Variants in ZEB2 observed in about 807,000 individuals in gnomAD.
ZEB2 encodes zinc finger E-box-binding homeobox 2.
In ZEB2, 6 loss-of-function variants were observed where a neutral mutation model predicts 99.9. The observed-to-expected ratio is 0.06, with a 90% CI of 0.03 to 0.12. The LOEUF is 0.12. ZEB2 is among the 10% of genes least tolerant of loss of function. The pLI, the probability that ZEB2 is intolerant of heterozygous loss-of-function variation, is 1.00. For synonymous variants in ZEB2, 517 were observed against 542.5 expected, an observed-to-expected ratio of 0.95 and a Z score of 0.65; for missense variants, 969 against 1,502.8, an observed-to-expected ratio of 0.64 and a Z score of 5.87.
At chr2:144,510,943 C>T (rs1240008063) in intron 2 of ZEB2, among the ~76,000 whole-genome samples, 3 of 152,234 alleles carry the variant, frequency 2.0e-5, no homozygotes, top group Non-Finnish European at 2.9e-5. Context: ...TTCAAAAGAC[C>T]GCCGTGTCAG....
At chr2:144,512,762 A>G in intron 2 of ZEB2, 1 of 1,287,236 alleles carries the variant, frequency 7.8e-7, no homozygotes, top group Non-Finnish European at 1.0e-6. Context: ...AATAAAACAA[A>G]TAGATCAGCC....
In ZEB2 at chr2:144,403,934, G is replaced by C; in HGVS notation, c.789C>G (p.His263Gln). Residue 263 changes from histidine to glutamine, a missense_variant, in exon 6 of 10, where the codon CAC (histidine) becomes CAG (glutamine). Physicochemically the swap from His to Gln is conservative, Grantham distance 24. Transcript: ENST00000627532. ...CCCCCACCTGATCTGTCCCTGGCTT[G>C]TGTGTCACCATATGCCGCTCGAGCT... ...RTQLERHMVT[H>Q]KPGTDQHQML... is the part of the protein sequence containing the mutation. The C allele has an allele frequency of 6.2e-7, 1 of 1,614,198 alleles. No homozygotes were observed.
intron 6 of ZEB2, among the ~76,000 whole-genome samples, chr2:144,403,636 CTT>C (rs1363141387): frequency 6.6e-6 from 1 of 152,076 alleles, no homozygotes; most frequent in Non-Finnish European, 1.5e-5. Context: ...ATTTCATTCA[CTT>C]TTTGTGGAAC....
chr2:144,399,702 G>C lies in ZEB2; in HGVS notation c.1485C>G (p.Cys495Trp), dbSNP rs1703282674. Residue 495 changes from cysteine to tryptophan, a missense_variant, in exon 8 of 10, where the codon TGC becomes TGG. Cys to Trp is a radical substitution (Grantham distance 215). Around this residue, in one of 8 missense-constraint regions of ZEB2, gnomAD observed 227 missense variants for 278.2 expected, o/e 0.82. Coordinates refer to ENST00000627532, the MANE Select transcript of ZEB2 (RefSeq NM_014795.4). The surrounding 1 kb of genome is among the most constrained non-coding windows in gnomAD (Gnocchi z 5.6). ...KLKGYHMKDP[C>W]SQPEEQGVTS... ...TAACTCCTTGTTCCTCAGGTTGAGAGCATGGATCCTTCATGTGATAACCTT... is the reference window on the plus strand; with the variant it reads ...TAACTCCTTGTTCCTCAGGTTGAGACCATGGATCCTTCATGTGATAACCTT... The C allele has an allele frequency of 6.2e-7, 1 of 1,614,194 alleles. No individual in the cohort carries two copies. The highest frequency in any genetic ancestry group is 2.2e-5 in the East Asian group (1 of 44,886).
At chr2:144,454,895 C>A (rs1704100800) in intron 2 of ZEB2, among the ~76,000 whole-genome samples, 1 of 152,118 alleles carries the variant, frequency 6.6e-6, no homozygotes. Flanking sequence ...ACACACCCTG[C>A]ACACACATCA....
chr2:144,476,252 C>A (rs770340382), intron 2 of ZEB2, among the ~76,000 whole-genome samples: 6 of 151,950 alleles, frequency 3.9e-5, no homozygotes, highest in Non-Finnish European at 7.4e-5. Context: ...GGGAATTAAT[C>A]GAAATGAGAT....
chr2:144,411,057 CTATATATA>C (rs4008310), intron 4 of ZEB2, among the ~76,000 whole-genome samples: 720 of 40,778 alleles, frequency 0.018, 9 homozygotes, highest in Middle Eastern at 0.091. Flanking sequence ...ACAGACATGT[CTATATATA>C]TATATATATA....
In ZEB2 at chr2:144,436,937, A is replaced by G. The variant is rs183481974; in HGVS notation, c.74-6911T>C. Among the ~76,000 whole-genome samples, 509 of 152,302 alleles carry G rather than the reference A, an allele frequency of 3.3e-3. 11 individuals carry two copies. Among genetic ancestry groups the G allele is most frequent in the Middle Eastern group, 3.4e-3 (1 of 294 alleles). ...TTCTCAGTGAAATTTATGATTTCCC[A>G]AAGACTTGACATCTGTTTATTTTTT... is the stretch of plus-strand genomic sequence containing the variant. On this transcript the variant is annotated intron_variant, in intron 2 of 9. Coordinates refer to ENST00000627532, the MANE Select transcript of ZEB2 (RefSeq NM_014795.4).
intron 2 of ZEB2, among the ~76,000 whole-genome samples, chr2:144,457,480 A>G (rs1704135734): frequency 6.6e-6 from 1 of 152,156 alleles, no homozygotes; most frequent in African/African-American, 2.4e-5. Context: ...TATTTAACAG[A>G]GTATGGTGGT....
chr2:144,483,717 C>T (rs184212810), intron 2 of ZEB2, among the ~76,000 whole-genome samples: 11 of 152,222 alleles, frequency 7.2e-5, no homozygotes, highest in South Asian at 6.2e-4. Flanking sequence ...ATACACAGTT[C>T]GCTGTGTAGG....
chr2:144,406,317 G>T (rs955016660), intron 4 of ZEB2, among the ~76,000 whole-genome samples: 2 of 152,210 alleles, frequency 1.3e-5, no homozygotes, highest in Admixed American at 1.3e-4. Context: ...ACAGTTCTAG[G>T]CTCATCCTTC....
chr2:144,463,000 G>A (rs560322924), intron 2 of ZEB2: 2 of 152,268 alleles, frequency 1.3e-5, no homozygotes, highest in Non-Finnish European at 2.9e-5. Context: ...TTAAAAAATT[G>A]TACACATTAT....
intron 2 of ZEB2, among the ~76,000 whole-genome samples, chr2:144,510,354 C>G (rs565198429): frequency 5.6e-4 from 85 of 152,196 alleles, no homozygotes; most frequent in African/African-American, 2.0e-3. Flanking sequence ...CCCGTCCCTC[C>G]CACCCCCAGG....
intron 2 of ZEB2, among the ~76,000 whole-genome samples, chr2:144,438,796 A>T (rs1486769430): frequency 6.6e-6 from 1 of 152,154 alleles, no homozygotes; most frequent in Non-Finnish European, 1.5e-5. Flanking sequence ...GGCTAATGAC[A>T]TTATTTACTG....
chr2:144,512,668 A>T (rs1285184560), intron 2 of ZEB2: 1 of 1,287,092 alleles, frequency 7.8e-7, no homozygotes, highest in East Asian at 5.6e-5. Flanking sequence ...GTGGACTGTC[A>T]CTCTATGGAC....
intron 2 of ZEB2, among the ~76,000 whole-genome samples, chr2:144,505,087 C>G (rs748470878): frequency 8.0e-5 from 12 of 150,538 alleles, no homozygotes; most frequent in Admixed American, 4.0e-4. Context: ...GGGGAAAAAA[C>G]GCACACACAA....
Position 144,399,243 on chromosome 2 carries a change from G to A in ZEB2, c.1944C>T (p.Pro648=), listed in dbSNP as rs1703273972. Reference sequence around the variant, plus strand: ...ACATGTGGTCCTTGTATGGGTTGATGGGGCTTGTCATTCCTTTCTCAGAAA... The same window carrying A: ...ACATGTGGTCCTTGTATGGGTTGATAGGGCTTGTCATTCCTTTCTCAGAAA... ...SVLSEKGMTS[P]INPYKDHMSV... is the part of the protein sequence containing the mutation. The change falls in exon 8 of 10, where the codon CCC becomes CCT. Residue 648 remains proline, a synonymous_variant. Transcript: ENST00000627532. The surrounding 1 kb of genome is among the most constrained non-coding windows in gnomAD (Gnocchi z 5.6). 2 of 1,614,016 alleles carry A rather than the reference G, an allele frequency of 1.2e-6. No individual in the cohort carries two copies. Among genetic ancestry groups the A allele is most frequent in the African/African-American group, 2.7e-5 (2 of 74,890 alleles).
intron 2 of ZEB2, among the ~76,000 whole-genome samples, chr2:144,510,643 C>G (rs1445809831): frequency 6.6e-6 from 1 of 152,076 alleles, no homozygotes; most frequent in Non-Finnish European, 1.5e-5. Flanking sequence ...GCCCAACAAA[C>G]AGCCACAAAC....
intron 2 of ZEB2, among the ~76,000 whole-genome samples, chr2:144,510,383 C>G (rs531046350): frequency 6.6e-6 from 1 of 151,830 alleles, no homozygotes; most frequent in South Asian, 2.1e-4. Flanking sequence ...CTCTCTGGTC[C>G]GCTGGTAAAC....
Sources: gnomAD v4.1 joint callset for allele counts (sites outside exome capture counted in the v4.1 genomes callset) on GRCh38, gnomAD v4.1.1 for gene constraint, gnomAD v4.1.1 regional missense constraint, Gnocchi (gnomAD v3.1) non-coding constraint, MANE v1.5 for transcripts, NCBI Gene and HGNC (gene_info 2026-07-23, HGNC 2026-07-21) for gene names.